IGFL2: variants seen among roughly 807,000 people sequenced by gnomAD.
The protein encoded by IGFL2 is IGF like family member 2.
Under a neutral mutation model 13.9 loss-of-function variants are expected in IGFL2, and 7 were observed. The observed-to-expected ratio is 0.51, with a 90% confidence interval of 0.29 to 0.95. The LOEUF (loss-of-function observed/expected upper bound fraction) is 0.95. Among genes scored for constraint, IGFL2 ranks in the 40% least tolerant of loss-of-function variants. IGFL2 has a pLI of 0.08. For missense variants in IGFL2, 138 were observed against 147.8 expected (o/e 0.93, Z 0.34); for synonymous variants, 55 against 55.8 (o/e 0.99, Z 0.07).
At chr19:46,153,005 T>C (rs1299977235) in intron 1 of IGFL2, among the ~76,000 whole-genome samples, 1 of 152,218 alleles carries the variant, frequency 6.6e-6, no homozygotes, top group South Asian at 2.1e-4. Flanking sequence ...CAACTTTGCA[T>C]CCGTGGGATA....
At chr19:46,204,129 A>T in the IGFL2 span, 1 of 152,210 alleles carries the variant, frequency 6.6e-6, no homozygotes, top group African/African-American at 2.4e-5. Flanking sequence ...ATGATGATTC[A>T]GCCCTTTCCG....
At chr19:46,194,852 ATTTTTTTTTTTTT>A in the IGFL2 span, among the ~76,000 whole-genome samples, 66 of 31,586 alleles carry the variant, frequency 2.1e-3, 2 homozygotes, top group East Asian at 2.2e-3. Flanking sequence ...ATATATATAT[ATTTTTTTTTTTTT>A]TTTTTTTTTT....
chr19:46,202,142 G>C, the IGFL2 span, among the ~76,000 whole-genome samples: 49 of 152,270 alleles, frequency 3.2e-4, 1 homozygote, highest in African/African-American at 1.0e-3. Context: ...GAACAGACAG[G>C]AGAGAAAGAA....
chr19:46,139,000 C>T (rs1211307899), upstream of IGFL2, among the ~76,000 whole-genome samples: 1 of 152,104 alleles, frequency 6.6e-6, no homozygotes, highest in Non-Finnish European at 1.5e-5. Context: ...AAGCAGCTCT[C>T]TCTGCCAGCG....
At chr19:46,194,636 A>G in the IGFL2 span, among the ~76,000 whole-genome samples, 6 of 151,828 alleles carry the variant, frequency 4.0e-5, no homozygotes, top group African/African-American at 1.5e-4. Flanking sequence ...AGCCTGGACA[A>G]TATGGTGAAG....
At chr19:46,197,721 G>A in the IGFL2 span, among the ~76,000 whole-genome samples, 1 of 151,896 alleles carries the variant, frequency 6.6e-6, no homozygotes, top group African/African-American at 2.4e-5. Context: ...TTGGACAGAC[G>A]GGGTTTCAGC....
the IGFL2 span, among the ~76,000 whole-genome samples, chr19:46,134,585 CATATT>C: frequency 1.3e-5 from 2 of 152,278 alleles, no homozygotes; most frequent in Non-Finnish European, 2.9e-5. Context: ...ATTAGATTCT[CATATT>C]AGATAAGGAG....
chr19:46,157,258 C>G (rs557329580), intron 1 of IGFL2, among the ~76,000 whole-genome samples: 1 of 152,192 alleles, frequency 6.6e-6, no homozygotes, highest in South Asian at 2.1e-4. Flanking sequence ...GGAGGGAATT[C>G]AATTCATTTC....
At chr19:46,157,970 A>G (rs1973913768) in intron 1 of IGFL2, among the ~76,000 whole-genome samples, 1 of 152,240 alleles carries the variant, frequency 6.6e-6, no homozygotes, top group South Asian at 2.1e-4. Context: ...AGAAAAAATC[A>G]ATCGTGTTTC....
the IGFL2 span, chr19:46,209,708 T>C: frequency 6.6e-6 from 1 of 152,186 alleles, no homozygotes; most frequent in Non-Finnish European, 1.5e-5. Flanking sequence ...CCCAAATGAC[T>C]TATTTCAGAG....
chr19:46,145,898 G>A (rs1254644951), upstream of IGFL2, among the ~76,000 whole-genome samples: 2 of 152,118 alleles, frequency 1.3e-5, no homozygotes, highest in Non-Finnish European at 2.9e-5. Context: ...TCCTATGTTA[G>A]AGATGTGATT....
the IGFL2 span, among the ~76,000 whole-genome samples, chr19:46,215,236 A>G: frequency 2.0e-5 from 3 of 152,196 alleles, no homozygotes; most frequent in African/African-American, 7.2e-5. Context: ...GATTATGGTG[A>G]ATTTTACTAA....
At chr19:46,208,569 G>A in the IGFL2 span, 3 of 152,168 alleles carry the variant, frequency 2.0e-5, no homozygotes, top group Non-Finnish European at 2.9e-5. Flanking sequence ...GCTCTGTCTT[G>A]CCACACAAAT....
upstream of IGFL2, among the ~76,000 whole-genome samples, chr19:46,140,052 C>T (rs1407099291): frequency 3.3e-5 from 5 of 152,036 alleles, no homozygotes; most frequent in Non-Finnish European, 7.4e-5. Flanking sequence ...TGGGTTCAAA[C>T]GATTCTCCTG....
At chr19:46,121,215 C>CA in the IGFL2 span, among the ~76,000 whole-genome samples, 2,047 of 145,746 alleles carry the variant, frequency 0.014, 61 homozygotes, top group Middle Eastern at 0.031. Flanking sequence ...CTGTCTCTAC[C>CA]AAAAAAAAAC....
chr19:46,180,168 G>A, the IGFL2 span, among the ~76,000 whole-genome samples: 2 of 146,110 alleles, frequency 1.4e-5, no homozygotes, highest in Admixed American at 1.4e-4. Flanking sequence ...CTGGTATTTT[G>A]ATGATATTTT....
the IGFL2 span, among the ~76,000 whole-genome samples, chr19:46,177,652 G>A: frequency 1.3e-5 from 2 of 152,074 alleles, no homozygotes; most frequent in Admixed American, 6.5e-5. Flanking sequence ...CCTTTGGAGA[G>A]TCCTCCTACC....
At chr19:46,208,086 TACAG>T in the IGFL2 span, 1 of 152,214 alleles carries the variant, frequency 6.6e-6, no homozygotes. Flanking sequence ...GTTAATTACT[TACAG>T]ACAGGCAGCG....
chr19:46,197,235 A>G, the IGFL2 span: 1 of 200,172 alleles, frequency 5.0e-6, no homozygotes, highest in Non-Finnish European at 1.1e-5. Flanking sequence ...TGAAGATGAA[A>G]GGCCAGAAGT....
Sources: gnomAD v4.1 joint callset for allele counts (sites outside exome capture counted in the v4.1 genomes callset) on GRCh38, gnomAD v4.1.1 for gene constraint, MANE v1.5 for transcripts, NCBI Gene and HGNC (gene_info 2026-07-23, HGNC 2026-07-21) for gene names.